The following CEP112 variants were observed in gnomAD, a reference collection of about 807,000 sequenced individuals.
CEP112 encodes centrosomal protein 112.
Under a neutral mutation model 153.0 loss-of-function variants are expected in CEP112, and 127 were observed. The ratio of observed to expected loss-of-function variants is 0.83; its 90% CI spans 0.72 to 0.96. CEP112 has a LOEUF of 0.96. Ranked by LOEUF, CEP112 falls within the 40% of genes least tolerant of loss-of-function variation. The pLI is 0.00. For missense variants in CEP112, 1,089 were observed against 1,101.2 expected, an observed-to-expected ratio of 0.99 and a Z score of 0.16; for synonymous variants, 358 against 374.4, an observed-to-expected ratio of 0.96 and a Z score of 0.51.
chr17:65,943,150 A>G (rs2061553083), intron 18 of CEP112, among the ~76,000 whole-genome samples: 1 of 152,244 alleles, frequency 6.6e-6, no homozygotes, highest in Admixed American at 6.5e-5. Flanking sequence ...TGGCAGAAAG[A>G]TAAACATTTA....
chr17:65,826,417 G>A, intron 21 of CEP112: 1 of 1,570,398 alleles, frequency 6.4e-7, no homozygotes, highest in Non-Finnish European at 8.5e-7. Flanking sequence ...TCCCCTGATA[G>A]AAAGGTGACT....
chr17:65,884,719 C>CTTT (rs1401066748), intron 20 of CEP112, among the ~76,000 whole-genome samples: 1 of 86,626 alleles, frequency 1.2e-5, no homozygotes, highest in Non-Finnish European at 2.5e-5. Flanking sequence ...TTTTTTTTTT[C>CTTT]TTTTTTTTTT....
chr17:66,114,096 T>C (rs1240085737), intron 6 of CEP112, among the ~76,000 whole-genome samples: 1 of 152,180 alleles, frequency 6.6e-6, no homozygotes, highest in Non-Finnish European at 1.5e-5. Context: ...AAATATTGTA[T>C]AGAAAGCAAA....
rs550247561 is a variant in CEP112 at position 65,639,326 on chromosome 17, G to T, written c.2799+1638C>A. Reference sequence around the variant, plus strand: ...AAGCACCTGTTATGTGCCAGGCAAAGTACTTGATACAGGGAGTAAATAAAT... The same window carrying T: ...AAGCACCTGTTATGTGCCAGGCAAATTACTTGATACAGGGAGTAAATAAAT... On this transcript the variant is annotated intron_variant, in intron 25 of 26. Coordinates refer to ENST00000535342, the MANE Select transcript of CEP112 (RefSeq NM_001199165.4). Among the ~76,000 whole-genome samples, 3 of 152,150 alleles carry T rather than the reference G, an allele frequency of 2.0e-5. No individual in the cohort carries two copies. In the South Asian group the frequency reaches 6.2e-4, roughly 32 times the overall value.
At chr17:65,894,687 C>T (rs1173222448) in intron 20 of CEP112, among the ~76,000 whole-genome samples, 5 of 152,054 alleles carry the variant, frequency 3.3e-5, no homozygotes, top group Non-Finnish European at 7.4e-5. Flanking sequence ...TTTATCAAGA[C>T]TGGTAGGCCT....
At chr17:65,826,794 T>A (rs1247120778) in intron 21 of CEP112, among the ~76,000 whole-genome samples, 3 of 152,356 alleles carry the variant, frequency 2.0e-5, no homozygotes, top group Middle Eastern at 3.4e-3. Flanking sequence ...ATTTTTTCCA[T>A]GTTTTCCTGT....
chr17:66,158,444 C>T (rs181209105), intron 4 of CEP112, among the ~76,000 whole-genome samples: 10 of 152,076 alleles, frequency 6.6e-5, no homozygotes, highest in Non-Finnish European at 1.5e-4. Context: ...AAACCCATCT[C>T]TACTAAAAAT....
At chr17:66,166,445 C>T (rs1296206589) in intron 4 of CEP112, among the ~76,000 whole-genome samples, 1 of 152,088 alleles carries the variant, frequency 6.6e-6, no homozygotes, top group Admixed American at 6.6e-5. Context: ...TACCAGACCA[C>T]GTATACTTCA....
At chr17:66,009,232 T>TGTGTGTGTGTG (rs1568372555) in intron 16 of CEP112, among the ~76,000 whole-genome samples, 2 of 137,276 alleles carry the variant, frequency 1.5e-5, no homozygotes, top group Admixed American at 7.5e-5. Flanking sequence ...TGTGTGTGTG[T>TGTGTGTGTGTG]TAGCAAAAGC....
intron 23 of CEP112, among the ~76,000 whole-genome samples, chr17:65,712,871 G>A (rs955548253): frequency 3.9e-5 from 6 of 152,062 alleles, no homozygotes; most frequent in African/African-American, 7.2e-5. Flanking sequence ...TGTGCTTATC[G>A]GCAGTGCAGA....
chr17:65,844,366 TCTC>T (rs2057639949), intron 21 of CEP112, among the ~76,000 whole-genome samples: 1 of 152,182 alleles, frequency 6.6e-6, no homozygotes, highest in Admixed American at 6.5e-5. Flanking sequence ...ATGATGCCAA[TCTC>T]CACATTAAAC....
intron 20 of CEP112, among the ~76,000 whole-genome samples, chr17:65,892,611 T>C (rs1048010885): frequency 5.6e-4 from 85 of 152,020 alleles, no homozygotes; most frequent in African/African-American, 2.0e-3. Flanking sequence ...GTCTGAAACA[T>C]CTATGTACAG....
intron 23 of CEP112, among the ~76,000 whole-genome samples, chr17:65,692,488 A>G (rs2048159987): frequency 6.6e-6 from 1 of 152,038 alleles, no homozygotes; most frequent in African/African-American, 2.4e-5. Context: ...CAGCCTCCCA[A>G]AGTGCTGGGA....
intron 21 of CEP112, among the ~76,000 whole-genome samples, chr17:65,835,752 A>T (rs2057283225): frequency 6.6e-6 from 1 of 152,232 alleles, no homozygotes; most frequent in African/African-American, 2.4e-5. Context: ...AATGAATGCT[A>T]ACATGTAACA....
At chr17:66,051,732 G>A (rs1359944976) in intron 12 of CEP112, among the ~76,000 whole-genome samples, 5 of 152,188 alleles carry the variant, frequency 3.3e-5, no homozygotes, top group Non-Finnish European at 7.3e-5. Context: ...ATTCAAGAAA[G>A]TACTTGGACC....
chr17:65,984,418 T>C (rs1225537324), intron 17 of CEP112, among the ~76,000 whole-genome samples: 2 of 152,328 alleles, frequency 1.3e-5, no homozygotes, highest in African/African-American at 4.8e-5. Context: ...TGGCAACTAA[T>C]TGAAAATTTT....
intron 24 of CEP112, among the ~76,000 whole-genome samples, chr17:65,671,146 A>G (rs979473741): frequency 1.3e-5 from 2 of 152,144 alleles, no homozygotes; most frequent in Non-Finnish European, 2.9e-5. Context: ...CAGCTGGTGG[A>G]AAGAGAAGGA....
intron 8 of CEP112, among the ~76,000 whole-genome samples, chr17:66,072,255 C>T (rs892842099): frequency 2.0e-5 from 3 of 151,980 alleles, no homozygotes; most frequent in Admixed American, 2.0e-4. Context: ...CTTTGATAAC[C>T]AAAGCGTGGT....
At chr17:65,736,644 C>T (rs1017625549) in intron 23 of CEP112, among the ~76,000 whole-genome samples, 1 of 152,004 alleles carries the variant, frequency 6.6e-6, no homozygotes, top group South Asian at 2.1e-4. Context: ...GTAGATGCCC[C>T]AGGAAAGTGC....
Sources: allele counts gnomAD v4.1 joint callset (sites outside exome capture counted in the v4.1 genomes callset), GRCh38; gene constraint gnomAD v4.1.1; transcripts MANE v1.5; gene names NCBI Gene and HGNC (gene_info 2026-07-23, HGNC 2026-07-21).